THOC7: variants seen among roughly 807,000 people sequenced by gnomAD.
The protein encoded by THOC7 is NIF3L1-binding protein 1.
Under a neutral mutation model 33.1 loss-of-function variants are expected in THOC7, and 22 were observed. The observed-to-expected ratio is 0.66, with a 90% CI of 0.47 to 0.95. The LOEUF (loss-of-function observed/expected upper bound fraction) is 0.95, where lower values mean the gene tolerates loss of function less well. Ranked by LOEUF, THOC7 falls within the 40% of genes least tolerant of loss-of-function variation. The probability of loss-of-function intolerance (pLI) is 0.00; values close to 1 mark genes in which losing one functional copy is unlikely to be tolerated. For missense variants in THOC7, 184 were observed against 245.3 expected, an observed-to-expected ratio of 0.75 and a Z score of 1.67; for synonymous variants, 77 against 76.8, an observed-to-expected ratio of 1.00 and a Z score of -0.01.
chr3:63,845,444 T>C (rs932391096), intron 1 of THOC7, among the ~76,000 whole-genome samples: 8 of 152,152 alleles, frequency 5.3e-5, no homozygotes, highest in African/African-American at 1.9e-4. Context: ...TTGCATCCCA[T>C]TGGTGACCAG....
upstream of THOC7, among the ~76,000 whole-genome samples, chr3:63,864,248 A>G (rs893459121): frequency 8.2e-5 from 12 of 147,214 alleles, no homozygotes; most frequent in Admixed American, 8.0e-4. Context: ...TTCCCCGGGA[A>G]GGTGACTGCG....
chr3:63,835,387 T>G lies in THOC7; in HGVS notation c.414A>C (p.Glu138Asp), dbSNP rs775302763. 1.1e-5 allele frequency: 17 copies of G among 1,613,102 alleles called. No homozygotes were observed. Among genetic ancestry groups the G allele is most frequent in the Non-Finnish European group, 1.4e-5 (16 of 1,179,650 alleles). The change falls in exon 6 of 8, where the codon GAA becomes GAC. Residue 138 changes from glutamate (E) to aspartate (D), a missense_variant. Coordinates refer to ENST00000295899, the MANE Select transcript of THOC7 (RefSeq NM_025075.4). ...HHPDRHETLK[E>D]LEALGKELEH... ...CTAATTCTTTTCCCAGAGCCTCTAGTTCCCTGGAAATAATAAAACAGTGTT... is the reference window on the plus strand; with the variant it reads ...CTAATTCTTTTCCCAGAGCCTCTAGGTCCCTGGAAATAATAAAACAGTGTT...
At chr3:63,834,302 A>C in intron 7 of THOC7, 103 bp from the exon 8 acceptor site, 1 of 1,104,854 alleles carries the variant, frequency 9.1e-7, no homozygotes, top group South Asian at 1.4e-5. Context: ...CAATACAATT[A>C]AAGCTAAGAT....
Position 63,856,701 on chromosome 3 carries a change from A to G in THOC7, c.19+7071T>C, listed in dbSNP as rs137962469. On this transcript the variant is annotated intron_variant, in intron 1 of 7. Transcript: ENST00000295899. ...ATGCTTTTCACATATAAACACACTT[A>G]ATCTACACAACAGCATTATAGATTT... is the stretch of plus-strand genomic sequence containing the variant. Among the ~76,000 whole-genome samples, 1,035 of 151,146 alleles carry G rather than the reference A, an allele frequency of 6.8e-3. 11 individuals are homozygous for G. Among genetic ancestry groups the G allele is most frequent in the African/African-American group, 0.024 (986 of 41,162 alleles).
chr3:63,838,466 C>A lies in THOC7; in HGVS notation c.171G>T (p.Leu57=). ...TGCCCATTGAAAATTCACATTGAGA[C>A]AGCGTGCTCAGCATACGTTGGTACT... ...YSQYQRMLST[L]SQCEFSMGKT... Residue 57 remains leucine (L), a synonymous_variant, in exon 3 of 8, where the codon CTG becomes CTT. Coordinates refer to ENST00000295899, the MANE Select transcript of THOC7 (RefSeq NM_025075.4). The A allele has an allele frequency of 6.2e-7, 1 of 1,609,770 alleles. No homozygotes were observed. The highest frequency in any genetic ancestry group is 1.7e-5 in the Admixed American group (1 of 58,722).
chr3:63,852,336 G>A (rs1021658156), intron 1 of THOC7, among the ~76,000 whole-genome samples: 4 of 152,122 alleles, frequency 2.6e-5, no homozygotes, highest in African/African-American at 7.2e-5. Context: ...TAATAAAAGG[G>A]GTTACACCAA....
At chr3:63,862,092 G>A (rs1205894398) in intron 1 of THOC7, among the ~76,000 whole-genome samples, 3 of 151,930 alleles carry the variant, frequency 2.0e-5, no homozygotes, top group Non-Finnish European at 2.9e-5. Flanking sequence ...TGCCCGGCAT[G>A]TGTGTGTGTT....
At chr3:63,850,615 C>T (rs1217201754) in intron 1 of THOC7, among the ~76,000 whole-genome samples, 9 of 119,002 alleles carry the variant, frequency 7.6e-5, no homozygotes, top group Admixed American at 5.3e-4. Flanking sequence ...TGAGACGAGT[C>T]TCGCTCTGTC....
chr3:63,842,404 G>A (rs1051627019), intron 1 of THOC7, among the ~76,000 whole-genome samples: 1 of 152,060 alleles, frequency 6.6e-6, no homozygotes, highest in Admixed American at 6.6e-5. Flanking sequence ...ACAAAATGAA[G>A]AGTCCTCAAA....
intron 1 of THOC7, among the ~76,000 whole-genome samples, chr3:63,850,498 G>C (rs1388850622): frequency 2.0e-5 from 3 of 150,644 alleles, no homozygotes; most frequent in Non-Finnish European, 3.0e-5. Context: ...ACCATGCCTG[G>C]CCTCTGCTTT....
intron 1 of THOC7, among the ~76,000 whole-genome samples, chr3:63,853,954 A>G (rs1295702226): frequency 6.6e-6 from 1 of 152,226 alleles, no homozygotes; most frequent in African/African-American, 2.4e-5. Context: ...TCATCCTATA[A>G]AAGTCAGAGT....
intron 1 of THOC7, among the ~76,000 whole-genome samples, chr3:63,859,227 T>C (rs932708955): frequency 2.6e-5 from 4 of 152,260 alleles, no homozygotes; most frequent in Non-Finnish European, 5.9e-5. Context: ...ATCCATTTTT[T>C]ATGCAACTCA....
chr3:63,835,452 C>A (rs552191121), intron 5 of THOC7, 62 bp from the exon 6 acceptor site: 2 of 1,479,086 alleles, frequency 1.4e-6, no homozygotes, highest in East Asian at 2.3e-5. Context: ...ACAATTAATG[C>A]CTAACTTTTA....
rs536503532 is a variant in THOC7 at position 63,843,277 on chromosome 3, C to T, written c.20-3504G>A. Among the ~76,000 whole-genome samples, 41 of 152,034 alleles carry T rather than the reference C, an allele frequency of 2.7e-4. 2 individuals carry two copies. In the South Asian group the frequency reaches 8.3e-3, roughly 31 times the overall value. On this transcript the variant is annotated intron_variant, in intron 1 of 7. Transcript: ENST00000295899. ...GGGATTACAGGCATGTGCCACCATG[C>T]CCAGCTAATTTTGTATTTCCAGTAG...
chr3:63,863,335 C>T (rs962644403), intron 1 of THOC7: 9 of 621,578 alleles, frequency 1.4e-5, no homozygotes, highest in Non-Finnish European at 1.8e-5. Flanking sequence ...ACCTTCCAGG[C>T]CCCCAGCCCT....
At chr3:63,836,846 G>T (rs1241378398) in intron 4 of THOC7, among the ~76,000 whole-genome samples, 1 of 151,692 alleles carries the variant, frequency 6.6e-6, no homozygotes, top group African/African-American at 2.4e-5. Context: ...TCTATTTTCT[G>T]CTCCACTGAG....
chr3:63,836,295 A>G lies in THOC7; in HGVS notation c.410+6T>C. The stretch of plus-strand genomic sequence containing the variant: ...AGTTCCTTTCAAAGTAAAGCTCTAC[A>G]CTTACTTTAATGTCTCATGCCTGTC... On this transcript the variant is annotated splice_donor_region_variant and intron_variant, in intron 5 of 7. Transcript: ENST00000295899. The G allele has an allele frequency of 6.2e-7, 1 of 1,611,968 alleles. No individual in the cohort carries two copies. Among genetic ancestry groups the G allele is most frequent in the Non-Finnish European group, 8.5e-7 (1 of 1,178,638 alleles).
chr3:63,863,431 G>A (rs1050880668), intron 1 of THOC7: 204 of 1,096,704 alleles, frequency 1.9e-4, no homozygotes, highest in Non-Finnish European at 2.2e-4. Flanking sequence ...GGTCCCACCC[G>A]CCCTTGCACC....
At chr3:63,863,662 G>A in intron 1 of THOC7, 110 bp downstream of exon 1, 6 of 1,223,790 alleles carry the variant, frequency 4.9e-6, no homozygotes, top group South Asian at 3.7e-5. Context: ...CTCTGGCGAA[G>A]AGGCCGGGGA....
Sources: gnomAD v4.1 joint callset for allele counts (sites outside exome capture counted in the v4.1 genomes callset) on GRCh38, gnomAD v4.1.1 for gene constraint, MANE v1.5 for transcripts, NCBI Gene and HGNC (gene_info 2026-07-23, HGNC 2026-07-21) for gene names.